Variants in MAGI2 observed in about 807,000 individuals in gnomAD.
The protein encoded by MAGI2 is membrane-associated guanylate kinase, WW and PDZ domain-containing protein 2.
In MAGI2, 35 loss-of-function variants were observed where a neutral mutation model predicts 133.3. The observed-to-expected ratio is 0.26, with a 90% confidence interval of 0.20 to 0.35. The LOEUF is 0.35. MAGI2 is among the 10% of genes least tolerant of loss of function. The probability of loss-of-function intolerance (pLI) is 1.00; values close to 1 mark genes in which losing one functional copy is unlikely to be tolerated. For missense variants in MAGI2, 1,636 were observed against 1,863.4 expected (o/e 0.88, Z 2.25); for synonymous variants, 729 against 710.6 (o/e 1.03, Z -0.41).
chr7:79,009,439 T>C (rs1323265492), intron 1 of MAGI2, among the ~76,000 whole-genome samples: 5 of 152,150 alleles, frequency 3.3e-5, no homozygotes, highest in African/African-American at 4.8e-5. Context: ...CCCTTTGTTT[T>C]GGAAGGATTT....
chr7:78,478,608 A>G (rs900113279), intron 6 of MAGI2, among the ~76,000 whole-genome samples: 46 of 151,318 alleles, frequency 3.0e-4, no homozygotes, highest in African/African-American at 1.1e-3. Context: ...ATATTTAGAC[A>G]TCTGGTTCCA....
At chr7:79,405,718 C>A (rs1373360104) in intron 1 of MAGI2, among the ~76,000 whole-genome samples, 4 of 152,106 alleles carry the variant, frequency 2.6e-5, no homozygotes, top group Non-Finnish European at 5.9e-5. Context: ...AATTCAATGT[C>A]AGGAGTAATT....
chr7:78,101,107 T>C (rs1818173217), intron 20 of MAGI2, among the ~76,000 whole-genome samples: 1 of 152,174 alleles, frequency 6.6e-6, no homozygotes, highest in African/African-American at 2.4e-5. Context: ...AGAACAAATA[T>C]TGTTATAATG....
chr7:79,346,945 T>C lies in MAGI2; in HGVS notation c.301+106075A>G, dbSNP rs76013401. 2.0e-5 allele frequency among the ~76,000 whole-genome samples: 3 copies of C among 152,168 alleles called. No homozygotes were observed. The East Asian group carries it at 5.8e-4, about 29-fold the overall frequency. ...TAATACACTATTATAGTAGATCTTA[T>C]GTGAGCATAGAGACTCTGGCTGTCT... On this transcript the variant is annotated intron_variant, in intron 1 of 21. Coordinates refer to ENST00000354212, the MANE Select transcript of MAGI2 (RefSeq NM_012301.4).
intron 20 of MAGI2, among the ~76,000 whole-genome samples, chr7:78,104,899 A>C (rs1818530557): frequency 6.6e-6 from 1 of 152,220 alleles, no homozygotes; most frequent in Admixed American, 6.5e-5. Context: ...TAGAATATAT[A>C]TATACAGCTT....
At chr7:78,333,045 G>A (rs558459266) in intron 9 of MAGI2, among the ~76,000 whole-genome samples, 1 of 152,316 alleles carries the variant, frequency 6.6e-6, no homozygotes, top group South Asian at 2.1e-4. Flanking sequence ...TGTCATGGCA[G>A]TTTTAGAAAA....
chr7:78,942,900 A>T (rs1282502556), intron 2 of MAGI2, among the ~76,000 whole-genome samples: 2 of 151,980 alleles, frequency 1.3e-5, no homozygotes, highest in African/African-American at 4.8e-5. Context: ...GTGAAAAAAA[A>T]AAAAACAAAA....
At chr7:79,205,045 G>C (rs1386511459) in intron 1 of MAGI2, among the ~76,000 whole-genome samples, 1 of 151,368 alleles carries the variant, frequency 6.6e-6, no homozygotes, top group Non-Finnish European at 1.5e-5. Flanking sequence ...AAAGATCAAG[G>C]GTTAGAAAGT....
chr7:78,445,578 T>C (rs1297918350), intron 6 of MAGI2, among the ~76,000 whole-genome samples: 2 of 152,062 alleles, frequency 1.3e-5, no homozygotes, highest in African/African-American at 4.8e-5. Context: ...TATTCTATGG[T>C]CCAATATTGA....
intron 1 of MAGI2, among the ~76,000 whole-genome samples, chr7:79,024,071 C>T (rs189208204): frequency 8.6e-4 from 130 of 152,038 alleles, no homozygotes; most frequent in African/African-American, 2.9e-3. Flanking sequence ...TCACATTTCC[C>T]AATTTCAAAC....
At chr7:79,450,407 A>T (rs1272454400) in intron 1 of MAGI2, among the ~76,000 whole-genome samples, 1 of 152,176 alleles carries the variant, frequency 6.6e-6, no homozygotes. Flanking sequence ...TTATTAGAAT[A>T]GCAACATGAA....
intron 1 of MAGI2, among the ~76,000 whole-genome samples, chr7:79,300,960 C>A (rs1313745310): frequency 2.0e-5 from 3 of 152,224 alleles, no homozygotes; most frequent in Admixed American, 2.0e-4. Flanking sequence ...AAGCCATAAG[C>A]CTTGGTGGCT....
At chr7:78,070,210 T>TACACAC (rs1239618988) in intron 21 of MAGI2, among the ~76,000 whole-genome samples, 53 of 55,420 alleles carry the variant, frequency 9.6e-4, no homozygotes, top group African/African-American at 2.5e-3. Flanking sequence ...TATATATATA[T>TACACAC]ATATATATAC....
At chr7:78,646,533 T>C (rs998769532) in intron 2 of MAGI2, among the ~76,000 whole-genome samples, 2 of 152,246 alleles carry the variant, frequency 1.3e-5, no homozygotes, top group East Asian at 3.9e-4. Context: ...ATGTTCACTA[T>C]TAAATACAAT....
At chr7:78,107,630 T>C (rs1583931864) in intron 20 of MAGI2, among the ~76,000 whole-genome samples, 1 of 152,030 alleles carries the variant, frequency 6.6e-6, no homozygotes, top group East Asian at 1.9e-4. Context: ...CTTTCTTGGT[T>C]TCTTTTTCAG....
chr7:79,392,888 C>T (rs1366340728), intron 1 of MAGI2, among the ~76,000 whole-genome samples: 1 of 152,158 alleles, frequency 6.6e-6, no homozygotes, highest in African/African-American at 2.4e-5. Flanking sequence ...AACGACCATT[C>T]ACCAATATGT....
chr7:78,076,839 C>T (rs1236806681), intron 21 of MAGI2, among the ~76,000 whole-genome samples: 27 of 105,116 alleles, frequency 2.6e-4, no homozygotes, highest in Non-Finnish European at 1.9e-4. Flanking sequence ...GGCGACAGAG[C>T]GAGACTCCGT....
In MAGI2 at chr7:78,209,221, C is replaced by CAAAAAAAAA. The variant is rs370809243; in HGVS notation, c.2048-8037_2048-8029dup. On this transcript the variant is annotated intron_variant, in intron 10 of 21. Coordinates refer to ENST00000354212, the MANE Select transcript of MAGI2 (RefSeq NM_012301.4). ...TGGGCGACAGAGCAAGACTCTGTCT[C>CAAAAAAAAA]AAAAAAAAAAAAAAAAAAAAAAAAG... Among the ~76,000 whole-genome samples, 46 of 10,628 alleles carry CAAAAAAAAA rather than the reference C, an allele frequency of 4.3e-3. 1 individual carries two copies. The highest frequency in any genetic ancestry group is 0.01 in the East Asian group (2 of 196). The allele number at this position is 10,628 out of a possible 152,430, so 7.0% of individuals were successfully genotyped here.
intron 3 of MAGI2, among the ~76,000 whole-genome samples, chr7:78,578,765 G>A (rs1159880855): frequency 6.6e-6 from 1 of 152,116 alleles, no homozygotes; most frequent in Admixed American, 6.5e-5. Context: ...AATTGCTAAT[G>A]AGCTCATTAA....
Sources: gnomAD v4.1 joint callset for allele counts (sites outside exome capture counted in the v4.1 genomes callset) on GRCh38, gnomAD v4.1.1 for gene constraint, MANE v1.5 for transcripts, NCBI Gene and HGNC (gene_info 2026-07-23, HGNC 2026-07-21) for gene names.